Variants in ST6GALNAC5 observed in about 807,000 individuals in gnomAD.
The protein encoded by ST6GALNAC5 is ST6 N-acetylgalactosaminide alpha-2,6-sialyltransferase 5.
In ST6GALNAC5, 27 loss-of-function variants were observed where a neutral mutation model predicts 33.6. That is an observed-to-expected ratio of 0.80 (90% CI 0.59 to 1.11). The LOEUF (loss-of-function observed/expected upper bound fraction) is 1.11, where lower values mean the gene tolerates loss of function less well. Among genes scored for constraint, ST6GALNAC5 ranks in the 50% least tolerant of loss-of-function variants. The pLI is 0.00. For missense variants in ST6GALNAC5, 428 were observed against 454.0 expected (o/e 0.94, Z 0.52); for synonymous variants, 194 against 171.2 (o/e 1.13, Z -1.04).
chr1:76,868,582 A>T lies in ST6GALNAC5; in HGVS notation c.101A>T (p.Glu34Val). Residue 34 changes from glutamate (E) to valine (V), a missense_variant, in exon 2 of 5, where the codon GAG becomes GTG. Transcript: ENST00000477717. This position sits in a 1 kb window ranked among gnomAD's most constrained non-coding sequence, Gnocchi z 4.3. ...TACAGCAGCCTCGGCGGCCAGAAGG[A>T]GCGGCCCCCGCAGCAGCAGCAGCAG... ...LVYSSLGGQK[E>V]RPPQQQQQQQ... The T allele has an allele frequency of 6.2e-7, 1 of 1,612,240 alleles. No homozygotes were observed. Among genetic ancestry groups the T allele is most frequent in the Admixed American group, 1.7e-5 (1 of 59,974 alleles).
intron 2 of ST6GALNAC5, among the ~76,000 whole-genome samples, chr1:77,028,299 C>T (rs982688836): frequency 1.6e-4 from 24 of 152,162 alleles, no homozygotes; most frequent in Non-Finnish European, 1.5e-5. Context: ...ACAAAACTTC[C>T]TAGCAAATCA....
intron 2 of ST6GALNAC5, among the ~76,000 whole-genome samples, chr1:77,032,676 T>C (rs988497724): frequency 6.6e-6 from 1 of 152,172 alleles, no homozygotes; most frequent in Non-Finnish European, 1.5e-5. Flanking sequence ...ATGACTGAAC[T>C]GAGATCTGAG....
intron 2 of ST6GALNAC5, among the ~76,000 whole-genome samples, chr1:76,920,341 T>A (rs1647017440): frequency 6.6e-6 from 1 of 152,216 alleles, no homozygotes; most frequent in Non-Finnish European, 1.5e-5. Flanking sequence ...TTCTTTGACA[T>A]CTTAAAAGAA....
chr1:76,942,455 G>A lies in ST6GALNAC5; in HGVS notation c.261+73713G>A, dbSNP rs557399687. Among the ~76,000 whole-genome samples, 34 of 152,168 alleles carry A rather than the reference G, an allele frequency of 2.2e-4. No homozygotes were observed. The South Asian group carries it at 4.4e-3, about 19-fold the overall frequency. ...CAAAATCATTGGAGCAGTTGATACC[G>A]CCAGTATCCATGACTGACTGCGTTC... is the stretch of plus-strand genomic sequence containing the variant. On this transcript the variant is annotated intron_variant, in intron 2 of 4. Transcript: ENST00000477717.
chr1:76,914,552 C>T (rs147048398), intron 2 of ST6GALNAC5, among the ~76,000 whole-genome samples: 2 of 152,134 alleles, frequency 1.3e-5, no homozygotes, highest in African/African-American at 4.8e-5. Context: ...CTACAACTAT[C>T]TGATCTTTGA....
chr1:77,012,242 G>A (rs1650661295), intron 2 of ST6GALNAC5, among the ~76,000 whole-genome samples: 1 of 152,210 alleles, frequency 6.6e-6, no homozygotes, highest in African/African-American at 2.4e-5. Context: ...TAAGCCTTAA[G>A]TAAATTAGAC....
intron 4 of ST6GALNAC5, 25 bp downstream of exon 4, chr1:77,050,390 A>G (rs758406592): frequency 6.3e-7 from 1 of 1,597,376 alleles, no homozygotes; most frequent in South Asian, 1.1e-5. Flanking sequence ...GCAAGTGTAA[A>G]TCATCAGCCG....
intron 2 of ST6GALNAC5, among the ~76,000 whole-genome samples, chr1:76,932,267 G>T (rs1647150682): frequency 6.6e-6 from 1 of 152,106 alleles, no homozygotes; most frequent in Admixed American, 6.6e-5. Flanking sequence ...GTGAGGTCCG[G>T]GGGTTGAGAG....
At position 76,897,579 on chromosome 1, in the gene ST6GALNAC5, G is replaced by A. The variant is rs558683717; in HGVS notation, c.261+28837G>A. On this transcript the variant is annotated intron_variant, in intron 2 of 4. Coordinates refer to ENST00000477717, the MANE Select transcript of ST6GALNAC5 (RefSeq NM_030965.3). ...GATGGTAAGGAGTGTGTGATCAGTC[G>A]CCAAGGAGGGAGTAGAGGTATCTTA... Among the ~76,000 whole-genome samples, 113 of 152,208 alleles carry A rather than the reference G, an allele frequency of 7.4e-4. 2 individuals are homozygous for A. Among genetic ancestry groups the A allele is most frequent in the African/African-American group, 2.3e-3 (97 of 41,516 alleles).
chr1:77,046,851 T>C (rs1413109522), intron 3 of ST6GALNAC5, among the ~76,000 whole-genome samples: 3 of 152,218 alleles, frequency 2.0e-5, no homozygotes, highest in African/African-American at 7.2e-5. Context: ...AGCTATTTAG[T>C]ATAATTAAAC....
At chr1:76,936,162 G>A (rs1053044714) in intron 2 of ST6GALNAC5, among the ~76,000 whole-genome samples, 3 of 152,010 alleles carry the variant, frequency 2.0e-5, no homozygotes, top group Non-Finnish European at 4.4e-5. Context: ...CTAGTTGGGT[G>A]GCATATTTTG....
chr1:76,928,957 A>C (rs920147859), intron 2 of ST6GALNAC5, among the ~76,000 whole-genome samples: 2 of 152,158 alleles, frequency 1.3e-5, no homozygotes, highest in Non-Finnish European at 2.9e-5. Context: ...AAGTGAGCCC[A>C]ATGTCACCAT....
chr1:76,996,547 G>A (rs1031351738), intron 2 of ST6GALNAC5, among the ~76,000 whole-genome samples: 1 of 152,210 alleles, frequency 6.6e-6, no homozygotes, highest in African/African-American at 2.4e-5. Context: ...GGAAGGAAAA[G>A]CAAGGCTTGC....
chr1:77,062,409 C>A (rs1027145496), intron 4 of ST6GALNAC5, among the ~76,000 whole-genome samples: 1 of 152,110 alleles, frequency 6.6e-6, no homozygotes, highest in African/African-American at 2.4e-5. Flanking sequence ...AGGCAAGTGA[C>A]CACCATCAAG....
chr1:77,050,442 C>A, intron 4 of ST6GALNAC5, 77 bp downstream of exon 4: 2 of 1,358,912 alleles, frequency 1.5e-6, no homozygotes, highest in African/African-American at 1.4e-5. Flanking sequence ...GAATATCAAC[C>A]ATGAAACATG....
intron 2 of ST6GALNAC5, among the ~76,000 whole-genome samples, chr1:76,999,181 G>A (rs779289936): frequency 7.9e-5 from 12 of 152,122 alleles, no homozygotes; most frequent in Non-Finnish European, 2.9e-5. Flanking sequence ...GGACAGTAAG[G>A]GATTTCCCTT....
chr1:76,943,832 A>G (rs954450690), intron 2 of ST6GALNAC5, among the ~76,000 whole-genome samples: 3 of 152,114 alleles, frequency 2.0e-5, no homozygotes, highest in African/African-American at 7.2e-5. Context: ...CATCTAATTC[A>G]TGGAAACTAC....
chr1:77,009,868 A>G (rs1650567068), intron 2 of ST6GALNAC5, among the ~76,000 whole-genome samples: 1 of 152,156 alleles, frequency 6.6e-6, no homozygotes, highest in Non-Finnish European at 1.5e-5. Flanking sequence ...TTTTTTTAAT[A>G]GAGTGACCTT....
intron 2 of ST6GALNAC5, among the ~76,000 whole-genome samples, chr1:76,910,814 G>A (rs982680877): frequency 6.6e-6 from 1 of 151,668 alleles, no homozygotes; most frequent in African/African-American, 2.4e-5. Flanking sequence ...AAATCCCAGT[G>A]ACTATAAAAT....
Sources: allele counts gnomAD v4.1 joint callset (sites outside exome capture counted in the v4.1 genomes callset), GRCh38; gene constraint gnomAD v4.1.1; non-coding constraint Gnocchi (gnomAD v3.1); transcripts MANE v1.5; gene names NCBI Gene and HGNC (gene_info 2026-07-23, HGNC 2026-07-21).